Variants in C14orf39 observed in about 807,000 individuals in gnomAD.
The protein encoded by C14orf39 is protein SIX6OS1.
In C14orf39, 66 loss-of-function variants were observed where a neutral mutation model predicts 85.6. The ratio of observed to expected loss-of-function variants is 0.77; its 90% CI spans 0.63 to 0.95. The LOEUF is 0.95. Among genes scored for constraint, C14orf39 ranks in the 40% least tolerant of loss-of-function variants. The probability of loss-of-function intolerance (pLI) is 0.00; values close to 1 mark genes in which losing one functional copy is unlikely to be tolerated. For synonymous variants in C14orf39, 242 were observed against 214.0 expected, an observed-to-expected ratio of 1.13 and a Z score of -1.14; for missense variants, 735 against 663.9, an observed-to-expected ratio of 1.11 and a Z score of -1.18.
Position 60,509,572 on chromosome 14 carries a change from C to T in C14orf39, c.-144+5823G>A, listed in dbSNP as rs201838922. On this transcript the variant is annotated intron_variant, in intron 1 of 5. Coordinates refer to the C14orf39 transcript ENST00000556799. Reference sequence around the variant, plus strand: ...ATGAGTCGGTGCTACGCGCACGAGCCATCGTGGCCTTTCACGGTGGCAACT... The same window carrying T: ...ATGAGTCGGTGCTACGCGCACGAGCTATCGTGGCCTTTCACGGTGGCAACT... The T allele has an allele frequency of 3.5e-4, 567 of 1,612,760 alleles. No individual in the cohort carries two copies. Among genetic ancestry groups the T allele is most frequent in the Middle Eastern group, 8.2e-4 (5 of 6,062 alleles).
intron 4 of C14orf39, among the ~76,000 whole-genome samples, chr14:60,481,297 A>C (rs17097486): frequency 6.6e-6 from 1 of 152,192 alleles, no homozygotes; most frequent in Non-Finnish European, 1.5e-5. Context: ...TTGGTTGTAC[A>C]TTACATCTTT....
chr14:60,446,741 A>G (rs1346460157), intron 16 of C14orf39, among the ~76,000 whole-genome samples: 1 of 152,238 alleles, frequency 6.6e-6, no homozygotes, highest in East Asian at 1.9e-4. Context: ...GCAGAGACAC[A>G]ACAAAAAAAG....
At chr14:60,454,844 G>A (rs1431156435) in intron 16 of C14orf39, among the ~76,000 whole-genome samples, 157 bp downstream of exon 16, 1 of 151,826 alleles carries the variant, frequency 6.6e-6, no homozygotes, top group African/African-American at 2.4e-5. Flanking sequence ...AAAACAAAAA[G>A]GTAATAGGGA....
chr14:60,475,083 T>A (rs1002030926), intron 5 of C14orf39, among the ~76,000 whole-genome samples: 1 of 152,180 alleles, frequency 6.6e-6, no homozygotes, highest in African/African-American at 2.4e-5. Flanking sequence ...TCAGAGCCTG[T>A]TATTGGTCTA....
intron 1 of C14orf39, chr14:60,509,535 C>T (rs1477969359): frequency 1.9e-6 from 3 of 1,609,268 alleles, no homozygotes; most frequent in Non-Finnish European, 1.7e-6. Flanking sequence ...GCCTGCGAGG[C>T]CCTCAACAAG....
chr14:60,494,766 A>G (rs1893043513), intron 2 of C14orf39: 1 of 152,450 alleles, frequency 6.6e-6, no homozygotes, highest in South Asian at 2.1e-4. Flanking sequence ...AAATGGGCAG[A>G]ACCCACATCT....
At chr14:60,492,459 A>C (rs865993625) in intron 2 of C14orf39, among the ~76,000 whole-genome samples, 1 of 152,112 alleles carries the variant, frequency 6.6e-6, no homozygotes. Flanking sequence ...AATAGAGACT[A>C]TGGCTACAAA....
rs936864990 is a variant in C14orf39, at chr14:60,467,852, A to C, written c.767+593T>G. Among the ~76,000 whole-genome samples, 3 of 151,728 alleles carry C rather than the reference A, an allele frequency of 2.0e-5. No homozygotes were observed. In the Admixed American group the frequency reaches 2.0e-4, roughly 10 times the overall value. ...TTTCAGAAGAATGAAAAAGGATATA[A>C]GTAGGGGGAAAAAGTAAAAGCTGGT... On this transcript the variant is annotated intron_variant, in intron 9 of 17. Coordinates refer to ENST00000321731, the MANE Select transcript of C14orf39 (RefSeq NM_174978.3).
At chr14:60,501,668 T>C (rs184569220) in intron 1 of C14orf39, among the ~76,000 whole-genome samples, 2 of 152,232 alleles carry the variant, frequency 1.3e-5, no homozygotes, top group African/African-American at 2.4e-5. Context: ...TCATGTAAGC[T>C]ATCTATTGAC....
In C14orf39 at chr14:60,509,894, G is replaced by C. The variant is rs779887646; in HGVS notation, c.-144+5501C>G. On this transcript the variant is annotated intron_variant, in intron 1 of 5. Coordinates refer to the C14orf39 transcript ENST00000556799. Reference sequence around the variant, plus strand: ...AAAACGTGAGCTCGCCCAGGCAACCGGACTGACCCCTACGCAGGTGGGCAA... The same window carrying C: ...AAAACGTGAGCTCGCCCAGGCAACCCGACTGACCCCTACGCAGGTGGGCAA... 1.2e-5 allele frequency: 20 copies of C among 1,612,820 alleles called. No individual in the cohort carries two copies. The highest frequency in any genetic ancestry group is 1.6e-5 in the Non-Finnish European group (19 of 1,179,362).
At chr14:60,492,976 G>A (rs1893013648) in intron 2 of C14orf39, among the ~76,000 whole-genome samples, 1 of 151,956 alleles carries the variant, frequency 6.6e-6, no homozygotes, top group Admixed American at 6.6e-5. Context: ...CTTTCCATGA[G>A]TTTTATCTCT....
At chr14:60,467,394 T>C (rs1213869167) in intron 9 of C14orf39, among the ~76,000 whole-genome samples, 1 of 151,854 alleles carries the variant, frequency 6.6e-6, no homozygotes, top group African/African-American at 2.4e-5. Context: ...CTTTAAACTT[T>C]AAAAAGACAT....
At chr14:60,511,059 C>A (rs1440960607) in intron 1 of C14orf39, 1 of 1,610,088 alleles carries the variant, frequency 6.2e-7, no homozygotes, top group Admixed American at 1.7e-5. Context: ...CGAGCTGTGA[C>A]CCGTGTTCCC....
chr14:60,489,336 T>C (rs367687541), upstream of C14orf39, among the ~76,000 whole-genome samples: 15 of 152,354 alleles, frequency 9.8e-5, no homozygotes, highest in Admixed American at 5.2e-4. Context: ...AGTCAAAACT[T>C]TGGGCAAGTT....
At chr14:60,464,943 A>G (rs375872682) in intron 11 of C14orf39, among the ~76,000 whole-genome samples, 14 of 152,082 alleles carry the variant, frequency 9.2e-5, no homozygotes, top group Admixed American at 5.3e-4. Context: ...TGGTCTAATT[A>G]ATTTTGCCTT....
intron 16 of C14orf39, among the ~76,000 whole-genome samples, chr14:60,454,523 A>G (rs1891178540): frequency 1.3e-5 from 2 of 152,120 alleles, no homozygotes; most frequent in Admixed American, 6.6e-5. Context: ...GCATGTCTCA[A>G]TTTTCAGCTT....
At chr14:60,494,286 T>C (rs1183181544) in intron 2 of C14orf39, 1 of 164,746 alleles carries the variant, frequency 6.1e-6, no homozygotes, top group Non-Finnish European at 1.3e-5. Flanking sequence ...GCGCATCATA[T>C]AGTGGACCTT....
intron 1 of C14orf39, chr14:60,509,164 C>T: frequency 1.8e-6 from 1 of 562,476 alleles, no homozygotes; most frequent in Non-Finnish European, 3.2e-6. Flanking sequence ...AGCCAGCTCG[C>T]CTGCCGGCGT....
chr14:60,462,047 A>G (rs1891558702), intron 11 of C14orf39, among the ~76,000 whole-genome samples: 1 of 152,080 alleles, frequency 6.6e-6, no homozygotes, highest in Non-Finnish European at 1.5e-5. Context: ...CACATAAAAG[A>G]GCTATTATTC....
Sources: gnomAD v4.1 joint callset for allele counts (sites outside exome capture counted in the v4.1 genomes callset) on GRCh38, gnomAD v4.1.1 for gene constraint, MANE v1.5 for transcripts, NCBI Gene and HGNC (gene_info 2026-07-23, HGNC 2026-07-21) for gene names.